CDHR1: variants seen among roughly 807,000 people sequenced by gnomAD.
The protein encoded by CDHR1 is cadherin related family member 1.
Under a neutral mutation model 72.1 loss-of-function variants are expected in CDHR1, and 61 were observed. The observed-to-expected ratio is 0.85, with a 90% CI of 0.69 to 1.05. CDHR1 has a LOEUF of 1.05. Among genes scored for constraint, CDHR1 ranks in the 50% least tolerant of loss-of-function variants. The pLI, the probability that CDHR1 is intolerant of heterozygous loss-of-function variation, is 0.00. For synonymous variants in CDHR1, 470 were observed against 448.1 expected, an observed-to-expected ratio of 1.05 and a Z score of -0.62; for missense variants, 1,186 against 1,115.7, an observed-to-expected ratio of 1.06 and a Z score of -0.90.
At chr10:84,219,068 C>T (rs1165576862), downstream of CDHR1, 5 of 910,720 alleles carry the variant, frequency 5.5e-6, no homozygotes, top group Non-Finnish European at 8.5e-6. Flanking sequence ...TATTATTATT[C>T]TATTTTATAG....
At position 84,214,068 on chromosome 10, in the gene CDHR1, G is replaced by T. The variant is rs746398971; in HGVS notation, c.2041-14G>T. The T allele has an allele frequency of 6.2e-7, 1 of 1,614,018 alleles. No individual in the cohort carries two copies. Among genetic ancestry groups the T allele is most frequent in the African/African-American group, 1.3e-5 (1 of 74,924 alleles). ...TGGGAACAGCTGAGTGCAGGGAGTG[G>T]CTTTCTCTTTCAGACCCTCTCCCGG... On this transcript the variant is annotated splice_polypyrimidine_tract_variant and intron_variant, in intron 16 of 16. Coordinates refer to ENST00000623527, the MANE Select transcript of CDHR1 (RefSeq NM_033100.4).
In CDHR1 at chr10:84,218,086, C is replaced by A; in HGVS notation, c.*3465C>A. ...AGGGGTGTTGGCATCTGTTGACAGGCAGTGGCACATCCTGACAGTCTTCAA... is the reference window on the plus strand; with the variant it reads ...AGGGGTGTTGGCATCTGTTGACAGGAAGTGGCACATCCTGACAGTCTTCAA... On this transcript the variant is annotated 3_prime_UTR_variant, in exon 17 of 17. Coordinates refer to ENST00000623527, the MANE Select transcript of CDHR1 (RefSeq NM_033100.4). The A allele has an allele frequency of 2.0e-6, 2 of 985,458 alleles. No individual in the cohort carries two copies. The highest frequency in any genetic ancestry group is 2.4e-6 in the Non-Finnish European group (2 of 829,944). The allele number at this position is 985,458 out of a possible 1,614,324, so 61.0% of individuals were successfully genotyped here. A position where few individuals can be genotyped will look rare whatever the true frequency, so the allele number is the denominator to read the frequency against.
chr10:84,214,056 G>A lies in CDHR1; in HGVS notation c.2041-26G>A. On this transcript the variant is annotated intron_variant, in intron 16 of 16. Coordinates refer to ENST00000623527, the MANE Select transcript of CDHR1 (RefSeq NM_033100.4). ...CCAGGGACCAGGTGGGAACAGCTGA[G>A]TGCAGGGAGTGGCTTTCTCTTTCAG... The A allele has an allele frequency of 1.9e-6, 3 of 1,614,104 alleles. No homozygotes were observed. The South Asian group carries it at 3.3e-5, about 18-fold the overall frequency.
intron 5 of CDHR1, among the ~76,000 whole-genome samples, chr10:84,199,677 T>G (rs1842088492): frequency 1.3e-5 from 2 of 152,250 alleles, no homozygotes; most frequent in South Asian, 2.1e-4. Context: ...CATCAACTTC[T>G]GAGCATCAAT....
chr10:84,214,385 A>C lies in CDHR1; in HGVS notation c.2344A>C (p.Ser782Arg). ...KPPNENCNNNSPESSLLPRAP... is the reference protein window; with the variant it reads ...KPPNENCNNNRPESSLLPRAP... Reference sequence around the variant, plus strand: ...TCCCAATGAGAACTGTAACAACAACAGCCCAGAAAGCTCTCTGCTCCCGAG... The same window carrying C: ...TCCCAATGAGAACTGTAACAACAACCGCCCAGAAAGCTCTCTGCTCCCGAG... The change falls in exon 17 of 17, where the codon AGC becomes CGC. Residue 782 changes from serine to arginine, a missense_variant. Transcript: ENST00000623527. 6.2e-7 allele frequency: 1 copy of C among 1,614,070 alleles called. No individual in the cohort carries two copies. Among genetic ancestry groups the C allele is most frequent in the Non-Finnish European group, 8.5e-7 (1 of 1,180,024 alleles).
chr10:84,208,439 C>T (rs927376511), intron 11 of CDHR1, 62 bp downstream of exon 11: 23 of 1,545,106 alleles, frequency 1.5e-5, no homozygotes, highest in Non-Finnish European at 2.1e-5. Context: ...GGTCCCAAAG[C>T]TAAGTGGGTC....
chr10:84,203,455 G>A (rs1167266747), intron 8 of CDHR1, among the ~76,000 whole-genome samples: 12 of 151,682 alleles, frequency 7.9e-5, no homozygotes, highest in Admixed American at 1.3e-4. Context: ...TCGCTTTGTC[G>A]CCAGGCTGGA....
At chr10:84,219,253 C>A, downstream of CDHR1, 3 of 1,550,696 alleles carry the variant, frequency 1.9e-6, no homozygotes, top group South Asian at 3.6e-5. Flanking sequence ...TAGAGTTTTT[C>A]AAGGGGCAGC....
rs1330034364 is a variant in CDHR1, at chr10:84,216,900, C to T, written c.*2279C>T. On this transcript the variant is annotated 3_prime_UTR_variant, in exon 17 of 17. Coordinates refer to ENST00000623527, the MANE Select transcript of CDHR1 (RefSeq NM_033100.4). ...GGTGGGCATGAAAGCTTGGGAAGCA[C>T]TGTCGTCTCTCAGACAGGCGTCCTA... 2.0e-6 allele frequency: 2 copies of T among 985,508 alleles called. No homozygotes were observed. The highest frequency in any genetic ancestry group is 2.4e-6 in the Non-Finnish European group (2 of 829,972). The allele number at this position is 985,508 out of a possible 1,614,324, so 61.0% of individuals were successfully genotyped here. A position where few individuals can be genotyped will look rare whatever the true frequency, so the allele number is the denominator to read the frequency against.
In CDHR1 at chr10:84,214,288, C is replaced by A; in HGVS notation, c.2247C>A (p.Arg749=). The change falls in exon 17 of 17, where the codon CGC becomes CGA. Residue 749 remains arginine, a synonymous_variant. Coordinates refer to ENST00000623527, the MANE Select transcript of CDHR1 (RefSeq NM_033100.4). ...GCAAGCGGCCCAGCCCTGCGCCCCG[C>A]ACCATCCGCATTGAGTGGCTCAAGT... ...VLRKRPSPAP[R]TIRIEWLKSK... is the part of the protein sequence containing the mutation. 1 of 1,613,950 alleles carries A rather than the reference C, an allele frequency of 6.2e-7. No homozygotes were observed. The highest frequency in any genetic ancestry group is 8.5e-7 in the Non-Finnish European group (1 of 1,180,038).
At position 84,204,529 on chromosome 10, in the gene CDHR1, C is replaced by G. The variant is rs1176168010; in HGVS notation, c.786C>G (p.Gly262=). ...YGYVYEDTLP[G]SEVLKVVAMD... ...GCGGCTGTTCCTGTTTCCCCGAGGG[C>G]TCGGAGGTACTGAAGGTGGTCGCCA... The change falls in exon 9 of 17, where the codon GGC becomes GGG. Residue 262 remains glycine (G), a splice_region_variant and synonymous_variant. Coordinates refer to ENST00000623527, the MANE Select transcript of CDHR1 (RefSeq NM_033100.4). 1 of 1,611,138 alleles carries G rather than the reference C, an allele frequency of 6.2e-7. No individual in the cohort carries two copies. Among genetic ancestry groups the G allele is most frequent in the East Asian group, 2.2e-5 (1 of 44,878 alleles).
rs1312086455 is a variant in CDHR1, at chr10:84,215,413, C to G, written c.*792C>G. On this transcript the variant is annotated 3_prime_UTR_variant, in exon 17 of 17. Coordinates refer to ENST00000623527, the MANE Select transcript of CDHR1 (RefSeq NM_033100.4). Reference sequence around the variant, plus strand: ...CAACTAGAAGAGCATCAGGGCTGCTCTCTGAGGAGCTGCCCCACCAGCCAT... The same window carrying G: ...CAACTAGAAGAGCATCAGGGCTGCTGTCTGAGGAGCTGCCCCACCAGCCAT... 2.0e-6 allele frequency: 2 copies of G among 985,406 alleles called. No individual in the cohort carries two copies. The highest frequency in any genetic ancestry group is 6.1e-5 in the Admixed American group (1 of 16,270). The allele number at this position is 985,406 out of a possible 1,614,324, so 61.0% of individuals were successfully genotyped here.
rs554304441 is a variant in CDHR1 at position 84,197,705 on chromosome 10, G to A, written c.298-81G>A. On this transcript the variant is annotated intron_variant, in intron 3 of 16. Transcript: ENST00000623527. The stretch of plus-strand genomic sequence containing the variant: ...AGACCTCCTCTGATGGGTGCGTGGG[G>A]CAGGGAGAGCTCCATCCAGCCACAG... 580 of 1,301,506 alleles carry A rather than the reference G, an allele frequency of 4.5e-4. 4 individuals are homozygous for A. Among genetic ancestry groups the A allele is most frequent in the Middle Eastern group, 3.7e-3 (20 of 5,418 alleles). 80.6% of individuals were successfully genotyped at this position (1,301,506 alleles called of 1,614,324 possible).
Position 84,210,986 on chromosome 10 carries a change from T to G in CDHR1, c.1321-15T>G. On this transcript the variant is annotated splice_polypyrimidine_tract_variant and intron_variant, in intron 12 of 16. Coordinates refer to ENST00000623527, the MANE Select transcript of CDHR1 (RefSeq NM_033100.4). Reference sequence around the variant, plus strand: ...GTGCCTACCCAGACAAGTCCCCATTTTCCCCCCTTCCCAGCTCCTGGCTGT... The same window carrying G: ...GTGCCTACCCAGACAAGTCCCCATTGTCCCCCCTTCCCAGCTCCTGGCTGT... 7 of 1,614,178 alleles carry G rather than the reference T, an allele frequency of 4.3e-6. No homozygotes were observed. The highest frequency in any genetic ancestry group is 5.9e-6 in the Non-Finnish European group (7 of 1,180,016).
chr10:84,211,029 A>C lies in CDHR1; in HGVS notation c.1349A>C (p.Glu450Ala). ...KLLAVEVNTP[E>A]KFSSTADVVI... ...CTGGCTGTTGAAGTGAACACCCCAG[A>C]GAAGTTCAGTTCCACAGCGGATGTT... is the stretch of plus-strand genomic sequence containing the variant. The change falls in exon 13 of 17, where the codon GAG (glutamate) becomes GCG (alanine). Residue 450 changes from glutamate to alanine, a missense_variant. Glu to Ala is a moderately radical substitution (Grantham distance 107, BLOSUM62 -1). Transcript: ENST00000623527. 6.2e-7 allele frequency: 1 copy of C among 1,614,208 alleles called. No homozygotes were observed. The highest frequency in any genetic ancestry group is 1.1e-5 in the South Asian group (1 of 91,078).
Position 84,194,704 on chromosome 10 carries a change from C to G in CDHR1, c.-57C>G, listed in dbSNP as rs1841994743. 5 of 1,412,938 alleles carry G rather than the reference C, an allele frequency of 3.5e-6. No homozygotes were observed. Among genetic ancestry groups the G allele is most frequent in the Non-Finnish European group, 4.6e-6 (5 of 1,080,836 alleles). The allele number at this position is 1,412,938 out of a possible 1,614,324, so 87.5% of individuals were successfully genotyped here. A position where few individuals can be genotyped will look rare whatever the true frequency, so the allele number is the denominator to read the frequency against. On this transcript the variant is annotated 5_prime_UTR_variant, in exon 1 of 17. Transcript: ENST00000623527. Reference sequence around the variant, plus strand: ...CCTCCCCGCGGGCCCAGGGCATGCTCCGTGCCCCTGCGCCCGGTCTCGGCG... The same window carrying G: ...CCTCCCCGCGGGCCCAGGGCATGCTGCGTGCCCCTGCGCCCGGTCTCGGCG...
At position 84,208,323 on chromosome 10, in the gene CDHR1, A is replaced by C; in HGVS notation, c.1113A>C (p.Pro371=). ...TTGAGCTGTCCATGAATGAGCACCC[A>C]CCCCAGGGAGAGATCCTGCGGGGCC... The part of the protein sequence containing the change: ...NRFELSMNEH[P]PQGEILRGLK... Residue 371 remains proline (P), a synonymous_variant, in exon 11 of 17, where the codon CCA becomes CCC. Coordinates refer to ENST00000623527, the MANE Select transcript of CDHR1 (RefSeq NM_033100.4). 1 of 1,613,820 alleles carries C rather than the reference A, an allele frequency of 6.2e-7. No homozygotes were observed. Among genetic ancestry groups the C allele is most frequent in the African/African-American group, 1.3e-5 (1 of 74,918 alleles).
At chr10:84,195,416 C>A in intron 1 of CDHR1, 78 bp from the exon 2 acceptor site, 2 of 1,345,182 alleles carry the variant, frequency 1.5e-6, no homozygotes, top group Non-Finnish European at 2.1e-6. Context: ...GACGCGGGAC[C>A]GCGCTGGTGC....
Position 84,202,873 on chromosome 10 carries a change from A to T in CDHR1, c.640-107A>T, listed in dbSNP as rs375851104. On this transcript the variant is annotated intron_variant, in intron 7 of 16. Coordinates refer to ENST00000623527, the MANE Select transcript of CDHR1 (RefSeq NM_033100.4). ...AAGCAAACAGAAACTTGGAGAGGAC[A>T]GCTGGCCTCACAGCCATAGGTGGCA... The T allele has an allele frequency of 1.2e-5, 14 of 1,213,070 alleles. No individual in the cohort carries two copies. In the East Asian group the frequency reaches 1.2e-4, roughly 10 times the overall value. The allele number at this position is 1,213,070 out of a possible 1,614,324, so 75.1% of individuals were successfully genotyped here. A position where few individuals can be genotyped will look rare whatever the true frequency, so the allele number is the denominator to read the frequency against.
Sources: allele counts gnomAD v4.1 joint callset (sites outside exome capture counted in the v4.1 genomes callset), GRCh38; gene constraint gnomAD v4.1.1; transcripts MANE v1.5; gene names NCBI Gene and HGNC (gene_info 2026-07-23, HGNC 2026-07-21).